SYT3: variants seen among roughly 807,000 people sequenced by gnomAD.
The protein encoded by SYT3 is synaptotagmin 3.
Under a neutral mutation model 50.6 loss-of-function variants are expected in SYT3, and 25 were observed. The ratio of observed to expected loss-of-function variants is 0.49; its 90% CI spans 0.36 to 0.69. The LOEUF is 0.69. SYT3 is among the 30% of genes least tolerant of loss of function. The probability of loss-of-function intolerance (pLI) is 0.00; values close to 1 mark genes in which losing one functional copy is unlikely to be tolerated. For synonymous variants in SYT3, 323 were observed against 353.9 expected (o/e 0.91, Z 0.98); for missense variants, 589 against 793.6 (o/e 0.74, Z 3.10).
chr19:50,647,131 C>A, the SYT3 span, among the ~76,000 whole-genome samples: 3 of 151,808 alleles, frequency 2.0e-5, no homozygotes, highest in South Asian at 6.3e-4. Context: ...CGCCTGGCTG[C>A]GGGAGGGATT....
the SYT3 span, among the ~76,000 whole-genome samples, chr19:50,653,726 A>G: frequency 6.9e-6 from 1 of 145,340 alleles, no homozygotes; most frequent in Non-Finnish European, 1.5e-5. Context: ...ACACACACAC[A>G]CACACACACA....
intron 4 of SYT3, 147 bp from the exon 5 acceptor site, chr19:50,630,318 T>C: frequency 1.3e-6 from 1 of 756,872 alleles, no homozygotes; most frequent in Non-Finnish European, 2.0e-6. Flanking sequence ...TGTGTGAGCT[T>C]GAGGAAGCCA....
the SYT3 span, among the ~76,000 whole-genome samples, chr19:50,651,040 T>G: frequency 6.6e-6 from 1 of 152,224 alleles, no homozygotes; most frequent in African/African-American, 2.4e-5. Flanking sequence ...AATCACATTT[T>G]TTAGTTGATC....
chr19:50,657,831 C>T, the SYT3 span, among the ~76,000 whole-genome samples: 1 of 152,000 alleles, frequency 6.6e-6, no homozygotes, highest in Non-Finnish European at 1.5e-5. Context: ...CTCCTTTGAC[C>T]ATAGCGACAG....
rs1984525708 is a variant in SYT3, at chr19:50,637,288, C to T, written c.124G>A (p.Gly42Ser). 1 of 1,613,344 alleles carries T rather than the reference C, an allele frequency of 6.2e-7. No individual in the cohort carries two copies. Among genetic ancestry groups the T allele is most frequent in the African/African-American group, 1.3e-5 (1 of 74,866 alleles). The change falls in exon 3 of 11, where the codon GGC (glycine) becomes AGC (serine). Residue 42 changes from glycine (G) to serine (S), a missense_variant. This residue lies in a region of SYT3 where 316 missense variants were observed against 354.3 expected (regional missense o/e 0.89). Coordinates refer to ENST00000600079, the MANE Select transcript of SYT3 (RefSeq NM_001160329.2). The surrounding 1 kb of genome is among the most constrained non-coding windows in gnomAD (Gnocchi z 4.9). ...RCQEFNDRIR[G>S]YPRGPDADIS... ...CCTGCATCTGGACCCCGGGGATAGC[C>T]TCGGATTCGGTCATTGAACTCCTGG...
the SYT3 span, among the ~76,000 whole-genome samples, chr19:50,652,991 C>T: frequency 6.6e-6 from 1 of 152,140 alleles, no homozygotes; most frequent in Non-Finnish European, 1.5e-5. Flanking sequence ...ACAACACTAC[C>T]TCGGAAGGTT....
the SYT3 span, among the ~76,000 whole-genome samples, chr19:50,654,177 A>G: frequency 2.0e-5 from 3 of 152,090 alleles, no homozygotes; most frequent in African/African-American, 7.2e-5. Context: ...TTCAGCAGCT[A>G]TAACAAAGAC....
In SYT3 at chr19:50,637,309, C is replaced by G; in HGVS notation, c.103G>C (p.Glu35Gln). 6.2e-7 allele frequency: 1 copy of G among 1,613,460 alleles called. No individual in the cohort carries two copies. The highest frequency in any genetic ancestry group is 8.5e-7 in the Non-Finnish European group (1 of 1,179,924). The change falls in exon 3 of 11, where the codon GAG becomes CAG. Residue 35 changes from glutamate (E) to glutamine (Q), a missense_variant. Glu to Gln is a conservative substitution (Grantham distance 29). Transcript: ENST00000600079. This position sits in a 1 kb window ranked among gnomAD's most constrained non-coding sequence, Gnocchi z 4.9. ...TAGCCTCGGATTCGGTCATTGAACT[C>G]CTGGCACCTGTCGTTGGTGTCAGCA... The part of the protein sequence containing the change: ...RDADTNDRCQ[E>Q]FNDRIRGYPR...
chr19:50,626,494 C>A (rs1984068583), intron 6 of SYT3, among the ~76,000 whole-genome samples: 1 of 61,406 alleles, frequency 1.6e-5, no homozygotes, highest in Non-Finnish European at 3.9e-5. Flanking sequence ...GACAGAGGCC[C>A]AGAGAGAGAG....
Position 50,637,463 on chromosome 19 carries a change from GA to G in SYT3, c.-15-38del. On this transcript the variant is annotated intron_variant, in intron 2 of 10. Transcript: ENST00000600079. This position sits in a 1 kb window ranked among gnomAD's most constrained non-coding sequence, Gnocchi z 4.9. ...AGGGATGGGGCAAGGGTGCAGATGG[GA>G]AACAGAATGGGAGTGCAGGGTGGGC... 3 of 1,555,696 alleles carry G rather than the reference GA, an allele frequency of 1.9e-6. No individual in the cohort carries two copies. The highest frequency in any genetic ancestry group is 2.6e-6 in the Non-Finnish European group (3 of 1,144,808).
At chr19:50,641,575 G>A (rs1030835597), upstream of SYT3, among the ~76,000 whole-genome samples, 1 of 151,472 alleles carries the variant, frequency 6.6e-6, no homozygotes, top group Admixed American at 6.6e-5. Flanking sequence ...AGCCAGGTGC[G>A]GTGGCTCATG....
chr19:50,632,262 C>T lies in SYT3; in HGVS notation c.674+24G>A. 1 of 1,533,760 alleles carries T rather than the reference C, an allele frequency of 6.5e-7. No homozygotes were observed. The highest frequency in any genetic ancestry group is 1.3e-5 in the South Asian group (1 of 79,086). On this transcript the variant is annotated intron_variant, in intron 4 of 10. Transcript: ENST00000600079. This position sits in a 1 kb window ranked among gnomAD's most constrained non-coding sequence, Gnocchi z 4.7. ...GGAGGAGCAGAAGTTCAGAGTGGAC[C>T]CCCAACCCAGTATCCTCTCTCACCT...
chr19:50,628,603 A>G (rs1984158475), intron 6 of SYT3, among the ~76,000 whole-genome samples: 1 of 152,134 alleles, frequency 6.6e-6, no homozygotes, highest in Admixed American at 6.6e-5. Context: ...TCAGAAGTTC[A>G]GAGATTAGAG....
At chr19:50,629,153 T>G in intron 6 of SYT3, 141 bp downstream of exon 6, 5 of 707,352 alleles carry the variant, frequency 7.1e-6, no homozygotes, top group Non-Finnish European at 1.1e-5. Flanking sequence ...AAGTTTGCAG[T>G]CTTCCCCAGT....
chr19:50,651,010 C>A, the SYT3 span, among the ~76,000 whole-genome samples: 1 of 152,212 alleles, frequency 6.6e-6, no homozygotes, highest in Non-Finnish European at 1.5e-5. Flanking sequence ...TTGCTGTTTT[C>A]TTTGCAGCGT....
At chr19:50,644,538 G>C (rs938627856), upstream of SYT3, among the ~76,000 whole-genome samples, 3 of 152,040 alleles carry the variant, frequency 2.0e-5, no homozygotes, top group African/African-American at 7.2e-5. Context: ...ATGGATGAGT[G>C]GATGAGTGGA....
At chr19:50,648,768 C>T in the SYT3 span, among the ~76,000 whole-genome samples, 1 of 147,048 alleles carries the variant, frequency 6.8e-6, no homozygotes, top group Non-Finnish European at 1.5e-5. Flanking sequence ...AACCCACTTT[C>T]GTTGGAATCT....
intron 4 of SYT3, among the ~76,000 whole-genome samples, chr19:50,630,826 A>G (rs1984275429): frequency 6.6e-6 from 1 of 152,056 alleles, no homozygotes; most frequent in Non-Finnish European, 1.5e-5. Context: ...ATGCTTCTCC[A>G]TGGACCCCTG....
At chr19:50,649,356 C>T in the SYT3 span, 6 of 1,269,072 alleles carry the variant, frequency 4.7e-6, no homozygotes, top group Non-Finnish European at 5.5e-6. Flanking sequence ...GTAGAGGAGG[C>T]AGCGGTGGGG....
Sources: allele counts gnomAD v4.1 joint callset (sites outside exome capture counted in the v4.1 genomes callset), GRCh38; gene constraint gnomAD v4.1.1; regional missense constraint gnomAD v4.1.1; non-coding constraint Gnocchi (gnomAD v3.1); transcripts MANE v1.5; gene names NCBI Gene and HGNC (gene_info 2026-07-23, HGNC 2026-07-21).